Variants in CDH18 observed in about 807,000 individuals in gnomAD.
The protein encoded by CDH18 is cadherin-18.
A neutral mutation model predicts 67.9 loss-of-function variants in CDH18; 31 were observed. That is an observed-to-expected ratio of 0.46 (90% CI 0.34 to 0.62). The LOEUF is 0.62. Ranked by LOEUF, CDH18 falls within the 20% of genes least tolerant of loss-of-function variation. CDH18 has a pLI of 0.01. For missense variants in CDH18, 890 were observed against 975.5 expected, an observed-to-expected ratio of 0.91 and a Z score of 1.17; for synonymous variants, 362 against 347.2, an observed-to-expected ratio of 1.04 and a Z score of -0.48.
intron 2 of CDH18, among the ~76,000 whole-genome samples, chr5:20,180,622 C>T (rs185011035): frequency 1.4e-4 from 22 of 152,222 alleles, no homozygotes; most frequent in African/African-American, 4.8e-4. Flanking sequence ...GACCATCTTA[C>T]CTCATAATCA....
chr5:19,938,697 T>C (rs1210785994), intron 2 of CDH18, among the ~76,000 whole-genome samples: 1 of 151,418 alleles, frequency 6.6e-6, no homozygotes, highest in Non-Finnish European at 1.5e-5. Flanking sequence ...TAGATGATGT[T>C]GACCAAAAAA....
chr5:19,634,791 G>A (rs1752894959), intron 5 of CDH18, among the ~76,000 whole-genome samples: 2 of 151,866 alleles, frequency 1.3e-5, no homozygotes, highest in South Asian at 4.2e-4. Flanking sequence ...TACAAAATTA[G>A]CCTGGCGTGG....
intron 1 of CDH18, among the ~76,000 whole-genome samples, chr5:20,332,045 T>C (rs1739237049): frequency 6.6e-6 from 1 of 152,192 alleles, no homozygotes; most frequent in Middle Eastern, 3.2e-3. Flanking sequence ...TGGCCTGTTT[T>C]GAAGATTGTT....
chr5:20,213,832 C>T (rs1014230447), intron 2 of CDH18, among the ~76,000 whole-genome samples: 1 of 151,952 alleles, frequency 6.6e-6, no homozygotes, highest in African/African-American at 2.4e-5. Flanking sequence ...AGAAAACCTA[C>T]TCCTGGATGT....
At chr5:19,990,151 CAAAG>C, upstream of CDH18, among the ~76,000 whole-genome samples, 1 of 151,778 alleles carries the variant, frequency 6.6e-6, no homozygotes, top group South Asian at 2.1e-4. Context: ...CCTGAGTGCC[CAAAG>C]AAAGAAATAG....
intron 1 of CDH18, among the ~76,000 whole-genome samples, chr5:20,266,565 G>A (rs931009418): frequency 9.5e-5 from 12 of 126,630 alleles, no homozygotes; most frequent in Non-Finnish European, 1.6e-4. Context: ...CGGCACGCCC[G>A]GCTGAATTTT....
chr5:20,472,155 G>T (rs887464287), intron 1 of CDH18, among the ~76,000 whole-genome samples: 9 of 152,088 alleles, frequency 5.9e-5, no homozygotes, highest in African/African-American at 2.2e-4. Context: ...TCTTCTATGA[G>T]ACCTTAATAA....
At chr5:20,162,339 A>G (rs1735956880) in intron 2 of CDH18, among the ~76,000 whole-genome samples, 1 of 150,634 alleles carries the variant, frequency 6.6e-6, no homozygotes, top group African/African-American at 2.4e-5. Flanking sequence ...AGTACTTTGC[A>G]GCAGAAAGCT....
chr5:20,166,422 AGAGT>A (rs1246836765), intron 2 of CDH18, among the ~76,000 whole-genome samples: 6 of 139,792 alleles, frequency 4.3e-5, no homozygotes, highest in African/African-American at 1.6e-4. Context: ...CCTGGGCAAC[AGAGT>A]GAGACTCTGT....
chr5:19,849,402 G>A (rs756016134), intron 2 of CDH18, among the ~76,000 whole-genome samples: 9 of 151,692 alleles, frequency 5.9e-5, no homozygotes, highest in Non-Finnish European at 1.0e-4. Context: ...GCAGTGAATG[G>A]GGTTCGGAAA....
chr5:19,614,874 G>A (rs1028860257), intron 5 of CDH18, among the ~76,000 whole-genome samples: 2 of 152,098 alleles, frequency 1.3e-5, no homozygotes, highest in Non-Finnish European at 2.9e-5. Flanking sequence ...TTGGCTGGGC[G>A]CGGCGGCTCA....
chr5:19,764,513 C>G (rs1204973655), intron 3 of CDH18, among the ~76,000 whole-genome samples: 3 of 151,376 alleles, frequency 2.0e-5, no homozygotes, highest in African/African-American at 7.3e-5. Context: ...AGAATATAAC[C>G]AAGGCATGAG....
intron 3 of CDH18, among the ~76,000 whole-genome samples, chr5:19,786,948 C>T (rs184886027): frequency 2.3e-4 from 35 of 152,168 alleles, no homozygotes; most frequent in Admixed American, 5.2e-4. Flanking sequence ...CCAGACCCTT[C>T]GCTGAAAACT....
At chr5:20,260,335 G>C (rs1744553142) in intron 1 of CDH18, among the ~76,000 whole-genome samples, 1 of 151,870 alleles carries the variant, frequency 6.6e-6, no homozygotes, top group Admixed American at 6.6e-5. Context: ...GAGAGTTGGG[G>C]GGCAATAACT....
intron 2 of CDH18, among the ~76,000 whole-genome samples, chr5:20,239,373 A>C (rs901883039): frequency 2.0e-5 from 3 of 152,054 alleles, no homozygotes; most frequent in African/African-American, 7.2e-5. Flanking sequence ...GGAGAATGGC[A>C]TGAACCCGGG....
rs891887382 is a variant in CDH18, at chr5:19,571,620, T to C, written c.1212A>G (p.Thr404=). The C allele has an allele frequency of 4.3e-6, 7 of 1,613,910 alleles. No individual in the cohort carries two copies. The highest frequency in any genetic ancestry group is 1.3e-5 in the African/African-American group (1 of 74,918). ...TACTGTCAGGATCTTGTGCCAAAAC[T>C]GTACCAACGACGGTCCCAATCTTGG... ...ENAKIGTVVG[T]VLAQDPDSTN... Residue 404 remains threonine, a synonymous_variant, in exon 8 of 13, where the codon ACA becomes ACG. Transcript: ENST00000382275.
At chr5:20,078,308 A>C (rs1744128195) in intron 2 of CDH18, among the ~76,000 whole-genome samples, 1 of 151,624 alleles carries the variant, frequency 6.6e-6, no homozygotes, top group African/African-American at 2.4e-5. Flanking sequence ...TAAAAATACA[A>C]AAAAATTAGC....
intron 1 of CDH18, among the ~76,000 whole-genome samples, chr5:20,443,218 A>AC: frequency 6.7e-6 from 1 of 149,378 alleles, no homozygotes; most frequent in East Asian, 1.9e-4. Flanking sequence ...ACAAAAAAAA[A>AC]AAAAAAAAAA....
chr5:19,842,626 T>C (rs1782462170), intron 2 of CDH18, among the ~76,000 whole-genome samples: 1 of 152,210 alleles, frequency 6.6e-6, no homozygotes, highest in African/African-American at 2.4e-5. Flanking sequence ...TACAATACAT[T>C]TTACCAGTAG....
Sources: allele counts gnomAD v4.1 joint callset (sites outside exome capture counted in the v4.1 genomes callset), GRCh38; gene constraint gnomAD v4.1.1; transcripts MANE v1.5; gene names NCBI Gene and HGNC (gene_info 2026-07-23, HGNC 2026-07-21).